The following POU6F2 variants were observed in gnomAD, a reference collection of about 807,000 sequenced individuals.
POU6F2 encodes POU domain, class 6, transcription factor 2.
A neutral mutation model predicts 71.3 loss-of-function variants in POU6F2; 31 were observed. The ratio of observed to expected loss-of-function variants is 0.43; its 90% CI spans 0.33 to 0.59. The LOEUF is 0.59. POU6F2 is among the 20% of genes least tolerant of loss of function. POU6F2 has a pLI of 0.04. For missense variants in POU6F2, 783 were observed against 856.8 expected, an observed-to-expected ratio of 0.91 and a Z score of 1.07; for synonymous variants, 347 against 355.7, an observed-to-expected ratio of 0.98 and a Z score of 0.27.
At chr7:39,097,282 C>A (rs1791474742) in intron 2 of POU6F2, among the ~76,000 whole-genome samples, 1 of 152,122 alleles carries the variant, frequency 6.6e-6, no homozygotes, top group Non-Finnish European at 1.5e-5. Flanking sequence ...AAGAAACATT[C>A]TATTTTGGTA....
intron 4 of POU6F2, among the ~76,000 whole-genome samples, chr7:39,217,217 A>C (rs955704694): frequency 6.6e-6 from 1 of 152,208 alleles, no homozygotes; most frequent in Non-Finnish European, 1.5e-5. Context: ...ATTAAAAAGA[A>C]TACAACCGCA....
chr7:39,462,872 T>G (rs979609852), intron 9 of POU6F2, among the ~76,000 whole-genome samples: 9 of 152,230 alleles, frequency 5.9e-5, no homozygotes, highest in African/African-American at 2.2e-4. Flanking sequence ...GTGCTGCTTA[T>G]CACATTATAA....
intron 1 of POU6F2, among the ~76,000 whole-genome samples, chr7:38,988,351 C>A (rs1212944098): frequency 6.6e-6 from 1 of 151,890 alleles, no homozygotes; most frequent in African/African-American, 2.4e-5. Context: ...TTTTAAAAAG[C>A]TTTACAGGTG....
chr7:39,006,230 G>A (rs1037393006), intron 1 of POU6F2, among the ~76,000 whole-genome samples: 1 of 152,154 alleles, frequency 6.6e-6, no homozygotes. Flanking sequence ...TTGGGAGGCC[G>A]AGGCAGGCAG....
intron 4 of POU6F2, among the ~76,000 whole-genome samples, chr7:39,263,937 T>A (rs1784192193): frequency 6.6e-6 from 1 of 152,342 alleles, no homozygotes; most frequent in East Asian, 1.9e-4. Flanking sequence ...GCATGGCCAT[T>A]TCCTGTCCTG....
At chr7:39,380,160 G>A (rs1481175062) in intron 5 of POU6F2, among the ~76,000 whole-genome samples, 3 of 152,154 alleles carry the variant, frequency 2.0e-5, no homozygotes, top group African/African-American at 4.8e-5. Flanking sequence ...AATTTGAGCT[G>A]TATAAACCTG....
intron 5 of POU6F2, among the ~76,000 whole-genome samples, chr7:39,347,366 GA>G (rs887431887): frequency 6.6e-6 from 1 of 152,144 alleles, no homozygotes; most frequent in Non-Finnish European, 1.5e-5. Flanking sequence ...TAGCTAGAAT[GA>G]GGCTAATAAT....
At chr7:39,085,776 A>G (rs1791227219) in intron 1 of POU6F2, 84 bp from the exon 2 acceptor site, 1 of 1,349,620 alleles carries the variant, frequency 7.4e-7, no homozygotes, top group Middle Eastern at 2.0e-4. Flanking sequence ...GAGAGAGAAG[A>G]GAGAGGGAGA....
Position 39,231,457 on chromosome 7 carries a change from A to G in POU6F2, c.598+23837A>G, listed in dbSNP as rs115200021. 1.6e-3 allele frequency among the ~76,000 whole-genome samples: 239 copies of G among 152,292 alleles called. 1 individual carries two copies. The highest frequency in any genetic ancestry group is 5.4e-3 in the African/African-American group (226 of 41,546). ...TATTTAATCATCACAACTCTATGAA[A>G]TATATATAATTATACCCTTTTATAT... On this transcript the variant is annotated intron_variant, in intron 4 of 9. Transcript: ENST00000518318.
chr7:39,210,442 A>C (rs1309406674), intron 4 of POU6F2, among the ~76,000 whole-genome samples: 3 of 152,176 alleles, frequency 2.0e-5, no homozygotes, highest in Non-Finnish European at 4.4e-5. Flanking sequence ...TCAGTCTCTT[A>C]ATGGTTTGGA....
At chr7:39,003,650 G>C (rs1308688934) in intron 1 of POU6F2, among the ~76,000 whole-genome samples, 1 of 151,736 alleles carries the variant, frequency 6.6e-6, no homozygotes, top group Non-Finnish European at 1.5e-5. Context: ...TCGGGAGGCT[G>C]AGGCAGGAGA....
chr7:39,129,338 T>C (rs1056016444), intron 2 of POU6F2, among the ~76,000 whole-genome samples: 3 of 152,194 alleles, frequency 2.0e-5, no homozygotes, highest in Admixed American at 6.5e-5. Context: ...GCTTAGCATA[T>C]AGTAGTTGCT....
chr7:39,388,567 C>T (rs527721285), intron 5 of POU6F2, among the ~76,000 whole-genome samples: 2 of 152,266 alleles, frequency 1.3e-5, no homozygotes, highest in Non-Finnish European at 2.9e-5. Flanking sequence ...CCACCCACCT[C>T]GGCCTCCCAA....
chr7:39,099,542 AT>A (rs1791526558), intron 2 of POU6F2, among the ~76,000 whole-genome samples: 1 of 152,204 alleles, frequency 6.6e-6, no homozygotes, highest in South Asian at 2.1e-4. Context: ...ACTACAGAAA[AT>A]TTCAGAGAGA....
At chr7:39,442,151 G>A (rs1024929211) in intron 7 of POU6F2, among the ~76,000 whole-genome samples, 3 of 152,068 alleles carry the variant, frequency 2.0e-5, no homozygotes, top group Non-Finnish European at 2.9e-5. Context: ...CTATTTAATG[G>A]AAATATTTAT....
At chr7:39,392,729 C>T (rs901064395) in intron 5 of POU6F2, among the ~76,000 whole-genome samples, 1 of 152,158 alleles carries the variant, frequency 6.6e-6, no homozygotes, top group Non-Finnish European at 1.5e-5. Context: ...GAGGCTCAGG[C>T]GAGGCAGGAC....
chr7:39,195,219 G>T (rs1488821646), intron 2 of POU6F2, among the ~76,000 whole-genome samples: 1 of 152,184 alleles, frequency 6.6e-6, no homozygotes. Context: ...CACGGTCTGT[G>T]ATCATTTAAT....
At chr7:39,308,876 C>T (rs147090146) in intron 4 of POU6F2, among the ~76,000 whole-genome samples, 2 of 152,180 alleles carry the variant, frequency 1.3e-5, no homozygotes, top group Admixed American at 6.5e-5. Flanking sequence ...GGAATTGATC[C>T]GCCTACCTTC....
intron 4 of POU6F2, among the ~76,000 whole-genome samples, chr7:39,217,650 C>T (rs1794270542): frequency 2.6e-5 from 4 of 152,146 alleles, no homozygotes; most frequent in African/African-American, 7.2e-5. Flanking sequence ...TTCATATTCA[C>T]AGTGTTATTG....
Sources: gnomAD v4.1 joint callset for allele counts (sites outside exome capture counted in the v4.1 genomes callset) on GRCh38, gnomAD v4.1.1 for gene constraint, MANE v1.5 for transcripts, NCBI Gene and HGNC (gene_info 2026-07-23, HGNC 2026-07-21) for gene names.